DPP6: variants seen among roughly 807,000 people sequenced by gnomAD.
DPP6 encodes dipeptidyl peptidase like 6.
Under a neutral mutation model 122.6 loss-of-function variants are expected in DPP6, and 69 were observed. The ratio of observed to expected loss-of-function variants is 0.56; its 90% CI spans 0.46 to 0.69. DPP6 has a LOEUF of 0.69. Ranked by LOEUF, DPP6 falls within the 30% of genes least tolerant of loss-of-function variation. DPP6 has a pLI of 0.00. For missense variants in DPP6, 928 were observed against 1,116.9 expected, an observed-to-expected ratio of 0.83 and a Z score of 2.41; for synonymous variants, 418 against 433.1, an observed-to-expected ratio of 0.97 and a Z score of 0.43.
At chr7:154,260,214 G>A (rs1344217727) in intron 1 of DPP6, among the ~76,000 whole-genome samples, 1 of 152,128 alleles carries the variant, frequency 6.6e-6, no homozygotes, top group African/African-American at 2.4e-5. Context: ...GGTAGGAGTT[G>A]GGGCTTTATC....
chr7:153,866,087 G>A, the DPP6 span, among the ~76,000 whole-genome samples: 138 of 152,126 alleles, frequency 9.1e-4, 1 homozygote, highest in African/African-American at 2.0e-3. Flanking sequence ...AGTCTTTGCT[G>A]TTGTGAATAG....
chr7:154,375,371 C>T (rs1199675889), intron 1 of DPP6, among the ~76,000 whole-genome samples: 1 of 151,960 alleles, frequency 6.6e-6, no homozygotes, highest in Non-Finnish European at 1.5e-5. Flanking sequence ...TGAGGCAGGA[C>T]CCGGAAAGGC....
At chr7:154,199,753 G>T (rs970797171) in intron 1 of DPP6, among the ~76,000 whole-genome samples, 1 of 152,002 alleles carries the variant, frequency 6.6e-6, no homozygotes, top group Non-Finnish European at 1.5e-5. Flanking sequence ...GAGATTACAG[G>T]CACACACCAC....
intron 1 of DPP6, among the ~76,000 whole-genome samples, chr7:153,935,418 C>T (rs555513227): frequency 1.3e-4 from 20 of 152,228 alleles, no homozygotes; most frequent in Admixed American, 2.6e-4. Flanking sequence ...TGAAATCCCA[C>T]GTACACCGGC....
chr7:154,130,563 C>T (rs1373332894), intron 1 of DPP6, among the ~76,000 whole-genome samples: 3 of 152,188 alleles, frequency 2.0e-5, no homozygotes, highest in Non-Finnish European at 2.9e-5. Flanking sequence ...TGAGGGAAAG[C>T]GTATCCGAAA....
At chr7:154,417,189 A>C (rs1172360055) in intron 1 of DPP6, among the ~76,000 whole-genome samples, 1 of 152,156 alleles carries the variant, frequency 6.6e-6, no homozygotes, top group Non-Finnish European at 1.5e-5. Context: ...ACATCTCCCC[A>C]CCAATTACTT....
chr7:154,031,861 G>T (rs867145433), intron 1 of DPP6, among the ~76,000 whole-genome samples: 9,577 of 119,924 alleles, frequency 0.08, 394 homozygotes, highest in Middle Eastern at 0.11. Context: ...CCTTTTTTTT[G>T]TTTTTTTTTT....
At chr7:153,837,242 A>G in the DPP6 span, among the ~76,000 whole-genome samples, 4 of 151,676 alleles carry the variant, frequency 2.6e-5, no homozygotes, top group Non-Finnish European at 4.4e-5. Context: ...GCACAATTTT[A>G]TATCTACTAA....
chr7:154,007,115 G>A (rs1284125394), intron 1 of DPP6, among the ~76,000 whole-genome samples: 3 of 152,190 alleles, frequency 2.0e-5, no homozygotes, highest in African/African-American at 7.2e-5. Flanking sequence ...ACTTCCATGG[G>A]GAGGACTGTG....
At chr7:154,027,272 A>G (rs1359463872) in intron 1 of DPP6, among the ~76,000 whole-genome samples, 1 of 152,124 alleles carries the variant, frequency 6.6e-6, no homozygotes, top group African/African-American at 2.4e-5. Flanking sequence ...ATAATTTCTG[A>G]ATTTCTCTGA....
intron 1 of DPP6, among the ~76,000 whole-genome samples, chr7:154,384,737 CTTTTATT>C (rs892620451): frequency 4.0e-5 from 3 of 74,352 alleles, no homozygotes; most frequent in African/African-American, 9.5e-5. Context: ...TTCTTTCTTT[CTTTTATT>C]TTTTTTTGAG....
At chr7:154,708,364 G>A (rs192155919) in intron 7 of DPP6, among the ~76,000 whole-genome samples, 62 of 152,294 alleles carry the variant, frequency 4.1e-4, no homozygotes, top group African/African-American at 1.5e-3. Context: ...TTTTTCTTCA[G>A]TGTTCACCTA....
At chr7:154,774,945 G>C (rs1053555526) in intron 10 of DPP6, among the ~76,000 whole-genome samples, 2 of 152,200 alleles carry the variant, frequency 1.3e-5, no homozygotes, top group African/African-American at 2.4e-5. Flanking sequence ...TGAGGTCAGA[G>C]TTTCTGCATG....
intron 8 of DPP6, among the ~76,000 whole-genome samples, chr7:154,733,285 C>T (rs1463627220): frequency 3.9e-5 from 6 of 152,328 alleles, no homozygotes; most frequent in East Asian, 1.9e-4. Context: ...CTCTCATTAG[C>T]GATGTAGTCA....
chr7:154,334,093 C>G (rs749417517), intron 1 of DPP6, among the ~76,000 whole-genome samples: 3 of 151,700 alleles, frequency 2.0e-5, no homozygotes, highest in Non-Finnish European at 1.5e-5. Context: ...GGTGTATCAT[C>G]AACACCTTAT....
At chr7:154,566,616 T>G (rs1830766952) in intron 4 of DPP6, among the ~76,000 whole-genome samples, 1 of 152,036 alleles carries the variant, frequency 6.6e-6, no homozygotes, top group African/African-American at 2.4e-5. Flanking sequence ...TATTGGCTTG[T>G]CTCAGTAAGT....
intron 13 of DPP6, among the ~76,000 whole-genome samples, chr7:154,803,245 T>C (rs1798487271): frequency 6.6e-6 from 1 of 152,156 alleles, no homozygotes; most frequent in Non-Finnish European, 1.5e-5. Context: ...CACTGAAACA[T>C]CGCTCCCGCC....
intron 1 of DPP6, among the ~76,000 whole-genome samples, chr7:154,240,912 A>G (rs1291619796): frequency 6.6e-6 from 1 of 152,156 alleles, no homozygotes; most frequent in Non-Finnish European, 1.5e-5. Context: ...TTCCACCTTG[A>G]CATGATATCA....
At position 154,403,973 on chromosome 7, in the gene DPP6, T is replaced by G. The variant is rs1815861748; in HGVS notation, c.244-42241T>G. Among the ~76,000 whole-genome samples, 2 of 152,248 alleles carry G rather than the reference T, an allele frequency of 1.3e-5. No individual in the cohort carries two copies. The highest frequency in any genetic ancestry group is 4.8e-5 in the African/African-American group (2 of 41,476). The stretch of plus-strand genomic sequence containing the variant: ...ACCTTTGTCTTTTGTTGAAAAAAGT[T>G]AATCTTGTTTTCCAAAGGGCCACAG... On this transcript the variant is annotated intron_variant, in intron 1 of 25. Transcript: ENST00000377770. This position sits in a 1 kb window ranked among gnomAD's most constrained non-coding sequence, Gnocchi z 4.1.
Sources: allele counts gnomAD v4.1 joint callset (sites outside exome capture counted in the v4.1 genomes callset), GRCh38; gene constraint gnomAD v4.1.1; non-coding constraint Gnocchi (gnomAD v3.1); transcripts MANE v1.5; gene names NCBI Gene and HGNC (gene_info 2026-07-23, HGNC 2026-07-21).